The following EVPL variants were observed in gnomAD, a reference collection of about 807,000 sequenced individuals.
EVPL encodes envoplakin.
In EVPL, 94 loss-of-function variants were observed where a neutral mutation model predicts 129.7. The ratio of observed to expected loss-of-function variants is 0.72; its 90% CI spans 0.61 to 0.86. The LOEUF (loss-of-function observed/expected upper bound fraction) is 0.86, where lower values mean the gene tolerates loss of function less well. Among genes scored for constraint, EVPL ranks in the 40% least tolerant of loss-of-function variants. The pLI is 0.00. For missense variants in EVPL, 2,625 were observed against 2,721.1 expected (o/e 0.96, Z 0.79); for synonymous variants, 1,172 against 1,191.1 (o/e 0.98, Z 0.33).
rs748835798 is a variant in EVPL at position 76,007,901 on chromosome 17, G to T, written c.5304C>A (p.Asp1768Glu). The change falls in exon 22 of 22, where the codon GAC becomes GAA. Residue 1768 changes from aspartate (D) to glutamate (E), a missense_variant. By Grantham distance (45) the Asp-to-Glu change is conservative. Around this residue, in one of 4 missense-constraint regions of EVPL, gnomAD observed 1,453 missense variants for 1,511.8 expected, o/e 0.96. Coordinates refer to ENST00000301607, the MANE Select transcript of EVPL (RefSeq NM_001988.4). The surrounding 1 kb of genome is among the most constrained non-coding windows in gnomAD (Gnocchi z 8.8). ...CAAACTCGGAGATGGGCAGGTGGCC[G>T]TCCTTGTACAGATGGTACTCCTCCT... ...ISKEEYHLYK[D>E]GHLPISEFAL... 1.7e-5 allele frequency: 27 copies of T among 1,613,986 alleles called. No homozygotes were observed. The highest frequency in any genetic ancestry group is 2.2e-5 in the Non-Finnish European group (26 of 1,180,038).
Position 76,007,220 on chromosome 17 carries a change from C to G in EVPL, c.5985G>C (p.Glu1995Asp), listed in dbSNP as rs1252817315. ...PISKERLSYK[E>D]AMGRCRKDPL... ...GGTCTTTGCGGCAGCGGCCCATGGC[C>G]TCCTTGTAGCTCAGCCGTTCCTTGG... The change falls in exon 22 of 22, where the codon GAG becomes GAC. Residue 1995 changes from glutamate to aspartate, a missense_variant. Physicochemically the swap from Glu to Asp is conservative, Grantham distance 45. This residue lies in a region of EVPL where 1,453 missense variants were observed against 1,511.8 expected (regional missense o/e 0.96). Coordinates refer to ENST00000301607, the MANE Select transcript of EVPL (RefSeq NM_001988.4). This position sits in a 1 kb window ranked among gnomAD's most constrained non-coding sequence, Gnocchi z 8.8. The G allele has an allele frequency of 1.3e-6, 2 of 1,561,988 alleles. No homozygotes were observed. Among genetic ancestry groups the G allele is most frequent in the East Asian group, 2.3e-5 (1 of 44,348 alleles).
At position 76,011,556 on chromosome 17, in the gene EVPL, T is replaced by C; in HGVS notation, c.2661+20A>G. ...TTATTCCTGGCTATTGTGGGAAAGCTGTAGGTGTTGTCTGTGTACCTTCTC... is the reference window on the plus strand; with the variant it reads ...TTATTCCTGGCTATTGTGGGAAAGCCGTAGGTGTTGTCTGTGTACCTTCTC... On this transcript the variant is annotated intron_variant, in intron 21 of 21. Transcript: ENST00000301607. 1 of 1,603,204 alleles carries C rather than the reference T, an allele frequency of 6.2e-7. No individual in the cohort carries two copies. Among genetic ancestry groups the C allele is most frequent in the Non-Finnish European group, 8.5e-7 (1 of 1,170,048 alleles).
chr17:76,022,575 G>A lies in EVPL; in HGVS notation c.481-37C>T, dbSNP rs375955229. The A allele has an allele frequency of 1.4e-5, 22 of 1,560,996 alleles. No individual in the cohort carries two copies. The highest frequency in any genetic ancestry group is 2.7e-5 in the African/African-American group (2 of 73,954). On this transcript the variant is annotated intron_variant, in intron 4 of 21. Transcript: ENST00000301607. The surrounding 1 kb of genome is among the most constrained non-coding windows in gnomAD (Gnocchi z 5.6). ...CCGGCGGCTCAGTCCCCAAAGGACC[G>A]CGGTGGGGAGCCAGAGAACCCCACA...
In EVPL at chr17:76,009,155, C is replaced by G; in HGVS notation, c.4050G>C (p.Ala1350=). ...GGCGCTTGCTCTGCAGCTCGTACAC[C>G]GCGTCCTCCGCGGCCCGCCTCTTCT... ...AAQKRRAAED[A]VYELQSKRLL... Residue 1350 remains alanine, a synonymous_variant, in exon 22 of 22, where the codon GCG becomes GCC. Coordinates refer to ENST00000301607, the MANE Select transcript of EVPL (RefSeq NM_001988.4). The surrounding 1 kb of genome is among the most constrained non-coding windows in gnomAD (Gnocchi z 5.9). 1 of 1,609,240 alleles carries G rather than the reference C, an allele frequency of 6.2e-7. No individual in the cohort carries two copies.
Position 76,008,902 on chromosome 17 carries a change from C to T in EVPL, c.4303G>A (p.Val1435Met), listed in dbSNP as rs199925777. Reference protein sequence around the residue: ...FQEDRSKKLAVERELRQLTLR... With the variant: ...FQEDRSKKLAMERELRQLTLR... ...GTCAGCTGCCGCAGCTCCCTCTCCA[C>T]GGCCAGCTTCTTGCTGCGGTCCTCC... Residue 1435 changes from valine to methionine, a missense_variant, in exon 22 of 22, where the codon GTG (valine) becomes ATG (methionine). Coordinates refer to ENST00000301607, the MANE Select transcript of EVPL (RefSeq NM_001988.4). The surrounding 1 kb of genome is among the most constrained non-coding windows in gnomAD (Gnocchi z 7.4). 1.4e-5 allele frequency: 22 copies of T among 1,613,700 alleles called. No individual in the cohort carries two copies. The highest frequency in any genetic ancestry group is 3.3e-5 in the Admixed American group (2 of 60,022).
Position 76,012,086 on chromosome 17 carries a change from G to A in EVPL, c.2377C>T (p.Leu793=), listed in dbSNP as rs143463502. 1.6e-3 allele frequency: 2,581 copies of A among 1,609,328 alleles called. 35 individuals carry two copies. The highest frequency in any genetic ancestry group is 0.013 in the Middle Eastern group (63 of 4,702). Residue 793 remains leucine (L), a synonymous_variant, in exon 19 of 22, where the codon CTG becomes TTG. Transcript: ENST00000301607. ...IAYKLQAQKR[L]TQEIQSRERD... ...TCTCGGCTCTGGATCTCCTGCGTCA[G>A]CCTCTGCCAGGGAAGAACCCAGAGT...
In EVPL at chr17:76,011,990, A is replaced by C; in HGVS notation, c.2457+16T>G. 1 of 1,610,670 alleles carries C rather than the reference A, an allele frequency of 6.2e-7. No homozygotes were observed. Among genetic ancestry groups the C allele is most frequent in the Non-Finnish European group, 8.5e-7 (1 of 1,177,938 alleles). Reference sequence around the variant, plus strand: ...GTGATGCATGGAGAGGGGCAAGCTGAAGGCAAGCTGCTTACCTGGAGCGCT... The same window carrying C: ...GTGATGCATGGAGAGGGGCAAGCTGCAGGCAAGCTGCTTACCTGGAGCGCT... On this transcript the variant is annotated intron_variant, in intron 19 of 21. Coordinates refer to ENST00000301607, the MANE Select transcript of EVPL (RefSeq NM_001988.4).
chr17:76,017,692 G>GC, intron 14 of EVPL, 47 bp downstream of exon 14: 3 of 1,587,396 alleles, frequency 1.9e-6, no homozygotes, highest in Non-Finnish European at 2.6e-6. Context: ...GAGCACCAGG[G>GC]CCGGGCCGCT....
chr17:76,017,478 A>G (rs2066425368), intron 14 of EVPL, among the ~76,000 whole-genome samples: 1 of 152,138 alleles, frequency 6.6e-6, no homozygotes. Flanking sequence ...ACCTTCCTGA[A>G]TGATCAGGCG....
At chr17:76,021,043 C>A (rs1328059018) in intron 9 of EVPL, among the ~76,000 whole-genome samples, 1 of 152,146 alleles carries the variant, frequency 6.6e-6, no homozygotes, top group Non-Finnish European at 1.5e-5. Flanking sequence ...GACCGAGTGG[C>A]AACCACACAG....
chr17:76,009,965 GACT>G lies in EVPL; in HGVS notation c.3237_3239del (p.Val1080del). The G allele has an allele frequency of 6.2e-7, 1 of 1,613,968 alleles. No individual in the cohort carries two copies. Among genetic ancestry groups the G allele is most frequent in the Non-Finnish European group, 8.5e-7 (1 of 1,180,022 alleles). On this transcript the variant is annotated inframe_deletion, in exon 22 of 22. Transcript: ENST00000301607. This position sits in a 1 kb window ranked among gnomAD's most constrained non-coding sequence, Gnocchi z 5.9. Reference sequence around the variant, plus strand: ...CCATTTCCAGATTCTTCTCCACCTTGACTACCTCTTTCACCACGACCTTCTCCT... The same window carrying G: ...CCATTTCCAGATTCTTCTCCACCTTGACCTCTTTCACCACGACCTTCTCCT...
Position 76,007,159 on chromosome 17 carries a change from C to A in EVPL, c.6046G>T (p.Glu2016Ter), listed in dbSNP as rs2066322962. The A allele has an allele frequency of 6.6e-7, 1 of 1,508,970 alleles. No individual in the cohort carries two copies. Among genetic ancestry groups the A allele is most frequent in the African/African-American group, 1.4e-5 (1 of 71,774 alleles). The allele number at this position is 1,508,970 out of a possible 1,614,324, so 93.5% of individuals were successfully genotyped here. The stretch of plus-strand genomic sequence containing the variant: ...GCGGAGCGGTAGCAGCGGTACCCCT[C>A]CAGTGCCGCTGGCAGGAGCAGCAGG... ...SGLLLLPAAL[E>*]GYRCYRSASP... Residue 2016 changes from glutamate to a stop codon, truncating the protein, a stop_gained, in exon 22 of 22, where the codon GAG (glutamate) becomes TAG (stop). Coordinates refer to ENST00000301607, the MANE Select transcript of EVPL (RefSeq NM_001988.4). LOFTEE classifies it high-confidence loss of function. This position sits in a 1 kb window ranked among gnomAD's most constrained non-coding sequence, Gnocchi z 8.8.
In EVPL at chr17:76,022,385, G is replaced by A. The variant is rs781242153; in HGVS notation, c.606+28C>T. 7 of 1,611,652 alleles carry A rather than the reference G, an allele frequency of 4.3e-6. No individual in the cohort carries two copies. Among genetic ancestry groups the A allele is most frequent in the East Asian group, 2.2e-5 (1 of 44,806 alleles). The stretch of plus-strand genomic sequence containing the variant: ...GGAGAAACGGGCTGGGGCTGGCCCC[G>A]GATGTGACATCCTCCAGGCTCACCT... On this transcript the variant is annotated intron_variant, in intron 5 of 21. Coordinates refer to ENST00000301607, the MANE Select transcript of EVPL (RefSeq NM_001988.4). This position sits in a 1 kb window ranked among gnomAD's most constrained non-coding sequence, Gnocchi z 5.6.
Position 76,022,237 on chromosome 17 carries a change from C to T in EVPL, c.607-10G>A, listed in dbSNP as rs749549983. ...GGATGGTGGCTGCATCCTGCCTCGA[C>T]CAAGGGGAGAAACAAGCCCGTGAGA... On this transcript the variant is annotated splice_polypyrimidine_tract_variant and intron_variant, in intron 5 of 21. Coordinates refer to ENST00000301607, the MANE Select transcript of EVPL (RefSeq NM_001988.4). This position sits in a 1 kb window ranked among gnomAD's most constrained non-coding sequence, Gnocchi z 5.6. 2.5e-6 allele frequency: 4 copies of T among 1,613,278 alleles called. No individual in the cohort carries two copies. Among genetic ancestry groups the T allele is most frequent in the Non-Finnish European group, 3.4e-6 (4 of 1,179,892 alleles).
Position 76,015,241 on chromosome 17 carries a change from C to T in EVPL, c.2014G>A (p.Val672Ile), listed in dbSNP as rs1379048119. ...TGGTCCCTTACCTGCAGCTCGCTGACCCTCTCCTGCAGAGCCCCCGGTTCA... is the reference window on the plus strand; with the variant it reads ...TGGTCCCTTACCTGCAGCTCGCTGATCCTCTCCTGCAGAGCCCCCGGTTCA... Reference protein sequence around the residue: ...PAEPGALQERVSELQRQRREL... With the variant: ...PAEPGALQERISELQRQRREL... The change falls in exon 16 of 22, where the codon GTC (valine) becomes ATC (isoleucine). Residue 672 changes from valine (V) to isoleucine (I), a missense_variant. By Grantham distance (29) the Val-to-Ile change is conservative. Coordinates refer to ENST00000301607, the MANE Select transcript of EVPL (RefSeq NM_001988.4). 1.3e-6 allele frequency: 2 copies of T among 1,596,896 alleles called. No homozygotes were observed. Among genetic ancestry groups the T allele is most frequent in the Admixed American group, 3.4e-5 (2 of 59,054 alleles).
chr17:76,024,101 C>T lies in EVPL; in HGVS notation c.118G>A (p.Ala40Thr), dbSNP rs1266927659. The change falls in exon 2 of 22, where the codon GCC becomes ACC. Residue 40 changes from alanine (A) to threonine (T), a missense_variant. Coordinates refer to ENST00000301607, the MANE Select transcript of EVPL (RefSeq NM_001988.4). This position sits in a 1 kb window ranked among gnomAD's most constrained non-coding sequence, Gnocchi z 4.5. ...RHSRAATQEL[A>T]LLISRMQANA... ...GCTTGCATGCGGGAGATGAGAAGGGCCAGCTCCTGGGTGGCAGCCCTAGTG... is the reference window on the plus strand; with the variant it reads ...GCTTGCATGCGGGAGATGAGAAGGGTCAGCTCCTGGGTGGCAGCCCTAGTG... 1 of 1,613,746 alleles carries T rather than the reference C, an allele frequency of 6.2e-7. No homozygotes were observed. The highest frequency in any genetic ancestry group is 1.1e-5 in the South Asian group (1 of 91,032).
intron 10 of EVPL, among the ~76,000 whole-genome samples, 171 bp from the exon 11 acceptor site, chr17:76,019,231 T>A (rs1453690827): frequency 6.6e-6 from 1 of 152,034 alleles, no homozygotes; most frequent in African/African-American, 2.4e-5. Flanking sequence ...TGGGATCTGC[T>A]AGTTGCAGGG....
chr17:76,007,334 C>T lies in EVPL; in HGVS notation c.5871G>A (p.Gln1957=), dbSNP rs1258471449. Residue 1957 remains glutamine (Q), a synonymous_variant, in exon 22 of 22, where the codon CAG becomes CAA. Transcript: ENST00000301607. This position sits in a 1 kb window ranked among gnomAD's most constrained non-coding sequence, Gnocchi z 8.8. ...CACTGATCATCCCGGAGAGGAGGGC[C>T]TGCTGGATGGGGATGCGGCCTGTCC... ...PKRTGRIPIQ[Q]ALLSGMISEE... 6.4e-7 allele frequency: 1 copy of T among 1,567,726 alleles called. No homozygotes were observed. Among genetic ancestry groups the T allele is most frequent in the Middle Eastern group, 1.7e-4 (1 of 5,810 alleles).
In EVPL at chr17:76,007,661, G is replaced by A. The variant is rs769878909; in HGVS notation, c.5544C>T (p.Asn1848=). ...TCTGCCCAGTGATGGGGTCCAGCAT[G>A]TTCTTGGCCACGGCCGTCTTGATGC... The part of the protein sequence containing the change: ...KCSIKTAVAK[N]MLDPITGQKL... Residue 1848 remains asparagine (N), a synonymous_variant, in exon 22 of 22, where the codon AAC becomes AAT. Transcript: ENST00000301607. This position sits in a 1 kb window ranked among gnomAD's most constrained non-coding sequence, Gnocchi z 8.8. 5 of 1,613,874 alleles carry A rather than the reference G, an allele frequency of 3.1e-6. No individual in the cohort carries two copies. Among genetic ancestry groups the A allele is most frequent in the Non-Finnish European group, 2.5e-6 (3 of 1,180,032 alleles).
Sources: gnomAD v4.1 joint callset for allele counts (sites outside exome capture counted in the v4.1 genomes callset) on GRCh38, gnomAD v4.1.1 for gene constraint, gnomAD v4.1.1 regional missense constraint, Gnocchi (gnomAD v3.1) non-coding constraint, MANE v1.5 for transcripts, NCBI Gene and HGNC (gene_info 2026-07-23, HGNC 2026-07-21) for gene names.